Variants in LIPI observed in about 807,000 individuals in gnomAD.
The protein encoded by LIPI is lipase I, also known as lipase member I.
LIPI carries 59 observed loss-of-function variants against 50.6 expected under a neutral mutation model. That is an observed-to-expected ratio of 1.16 (90% CI 0.94 to 1.45). The LOEUF (loss-of-function observed/expected upper bound fraction) is 1.45, where lower values mean the gene tolerates loss of function less well. Among genes scored for constraint, LIPI ranks in the 40% most tolerant of loss-of-function variants. The pLI is 0.00. For synonymous variants in LIPI, 203 were observed against 178.2 expected (o/e 1.14, Z -1.11); for missense variants, 586 against 536.3 (o/e 1.09, Z -0.92).
In LIPI at chr21:14,117,263, G is replaced by A. The variant is rs114126730; in HGVS notation, c.1296-8183C>T. On this transcript the variant is annotated intron_variant, in intron 9 of 9. Coordinates refer to ENST00000681601, the MANE Select transcript of LIPI (RefSeq NM_001302998.2). ...GTAAACAGCATACTCCCTCCTATAC[G>A]GAAAAACCCCAGGCTCTTATTGACC... Among the ~76,000 whole-genome samples the A allele has an allele frequency of 9.0e-3, 1,369 of 152,208 alleles. 22 individuals are homozygous for A. The highest frequency in any genetic ancestry group is 0.031 in the African/African-American group (1,301 of 41,512).
At chr21:14,152,716 A>G (rs1275799740) in intron 7 of LIPI, 32 bp from the exon 8 acceptor site, 3 of 1,120,772 alleles carry the variant, frequency 2.7e-6, no homozygotes, top group African/African-American at 3.1e-5. Context: ...TACAACTCAC[A>G]TTATTTTTTA....
At chr21:14,131,502 C>T (rs946211979) in intron 9 of LIPI, among the ~76,000 whole-genome samples, 2 of 152,064 alleles carry the variant, frequency 1.3e-5, no homozygotes, top group Non-Finnish European at 2.9e-5. Context: ...TCACAGGCAC[C>T]CAAAATCAAA....
chr21:14,196,172 A>AACAAT (rs139955022), intron 1 of LIPI, among the ~76,000 whole-genome samples: 32,115 of 137,690 alleles, frequency 0.23, 4,115 homozygotes, highest in Middle Eastern at 0.31. Flanking sequence ...AAAAAACAAA[A>AACAAT]CAAGAAGTAT....
intron 9 of LIPI, among the ~76,000 whole-genome samples, chr21:14,136,538 C>T (rs1339995515): frequency 6.6e-6 from 1 of 152,158 alleles, no homozygotes; most frequent in African/African-American, 2.4e-5. Flanking sequence ...TGAGTGCCAG[C>T]TCAACTGCAA....
intron 8 of LIPI, among the ~76,000 whole-genome samples, chr21:14,150,552 T>C (rs2018053513): frequency 6.6e-6 from 1 of 152,208 alleles, no homozygotes; most frequent in Non-Finnish European, 1.5e-5. Context: ...GAGAAATGCC[T>C]GAATAAGTTT....
intron 9 of LIPI, among the ~76,000 whole-genome samples, chr21:14,133,843 C>G (rs1436040188): frequency 1.3e-5 from 2 of 152,088 alleles, no homozygotes; most frequent in Non-Finnish European, 2.9e-5. Context: ...AATGATCTAG[C>G]CAAGGACAAA....
At chr21:14,163,851 T>C (rs1197166336) in intron 6 of LIPI, among the ~76,000 whole-genome samples, 1 of 151,756 alleles carries the variant, frequency 6.6e-6, no homozygotes, top group Non-Finnish European at 1.5e-5. Flanking sequence ...TTCTAATAAG[T>C]TCAGCAGAGT....
chr21:14,146,770 C>CTTTTTT (rs1308738575), intron 8 of LIPI, among the ~76,000 whole-genome samples: 158 of 64,660 alleles, frequency 2.4e-3, no homozygotes, highest in African/African-American at 4.2e-3. Flanking sequence ...TTCCCAGTCT[C>CTTTTTT]TATTTTTTTT....
rs377287910 is a variant in LIPI, at chr21:14,126,046, G to A, written c.1296-16966C>T. 2.4e-3 allele frequency among the ~76,000 whole-genome samples: 367 copies of A among 152,160 alleles called. 1 individual carries two copies. The highest frequency in any genetic ancestry group is 8.3e-3 in the African/African-American group (346 of 41,516). On this transcript the variant is annotated intron_variant, in intron 9 of 9. Transcript: ENST00000681601. ...TCAAACATTTAAAAAAAAAAGGCTG[G>A]TGAAGGTGCAGTTTGGGTTTAGGAG... is the stretch of plus-strand genomic sequence containing the variant.
chr21:14,128,320 T>A (rs2017148089), intron 9 of LIPI, among the ~76,000 whole-genome samples: 1 of 152,086 alleles, frequency 6.6e-6, no homozygotes, highest in African/African-American at 2.4e-5. Flanking sequence ...AAAGCTGTTA[T>A]TTTTAAACTA....
chr21:14,184,489 T>A (rs1030107447), intron 3 of LIPI, among the ~76,000 whole-genome samples: 152 of 152,008 alleles, frequency 1.0e-3, no homozygotes, highest in African/African-American at 3.5e-3. Context: ...TAATAAAATT[T>A]AAAAAAAATT....
chr21:14,179,294 T>C (rs142805551), intron 4 of LIPI, among the ~76,000 whole-genome samples: 1 of 152,096 alleles, frequency 6.6e-6, no homozygotes, highest in East Asian at 1.9e-4. Context: ...GTTCACCAGG[T>C]ATGTGCTGAG....
chr21:14,133,320 A>G (rs2017367835), intron 9 of LIPI, among the ~76,000 whole-genome samples: 1 of 152,256 alleles, frequency 6.6e-6, no homozygotes, highest in South Asian at 2.1e-4. Context: ...CAGGGATGCA[A>G]GGATAGTTCC....
At position 14,184,476 on chromosome 21, in the gene LIPI, TA is replaced by T. The variant is rs2019385788; in HGVS notation, c.541+1484del. 2.6e-5 allele frequency among the ~76,000 whole-genome samples: 4 copies of T among 151,962 alleles called. No homozygotes were observed. In the South Asian group the frequency reaches 8.3e-4, roughly 31 times the overall value. On this transcript the variant is annotated intron_variant, in intron 3 of 9. Coordinates refer to ENST00000681601, the MANE Select transcript of LIPI (RefSeq NM_001302998.2). ...ATGTACCCTAAAACTTAAAGTATAA[TA>T]ATAATAAAATTTAAAAAAAATTTAA...
chr21:14,193,044 C>G (rs2019729232), intron 1 of LIPI, among the ~76,000 whole-genome samples: 1 of 152,076 alleles, frequency 6.6e-6, no homozygotes, highest in African/African-American at 2.4e-5. Context: ...ATTATGAATG[C>G]ATGTTAATGG....
At chr21:14,196,750 C>T (rs2019875761) in intron 1 of LIPI, among the ~76,000 whole-genome samples, 1 of 152,070 alleles carries the variant, frequency 6.6e-6, no homozygotes, top group Middle Eastern at 3.4e-3. Context: ...TGCTTGAACC[C>T]AGAAGATCAA....
Position 14,156,505 on chromosome 21 carries a change from C to T in LIPI, c.1007-3821G>A, listed in dbSNP as rs186194502. Among the ~76,000 whole-genome samples, 7 of 151,982 alleles carry T rather than the reference C, an allele frequency of 4.6e-5. No individual in the cohort carries two copies. The East Asian group carries it at 1.2e-3, about 25-fold the overall frequency. ...CCTGAGCCTCCAGAAAGGAATGCAC[C>T]TGCTAACACCTTGACTTTAGCACAG... On this transcript the variant is annotated intron_variant, in intron 7 of 9. Transcript: ENST00000681601.
intron 9 of LIPI, chr21:14,144,075 T>G (rs137901261): frequency 6.5e-6 from 1 of 154,266 alleles, no homozygotes; most frequent in African/African-American, 2.4e-5. Flanking sequence ...ACCTCACTCC[T>G]GTCAGCATAT....
At chr21:14,178,414 G>A (rs2019163584) in intron 4 of LIPI, among the ~76,000 whole-genome samples, 1 of 152,040 alleles carries the variant, frequency 6.6e-6, no homozygotes, top group Admixed American at 6.6e-5. Context: ...CTTCAGTCTA[G>A]AAATTTACTT....
Sources: gnomAD v4.1 joint callset for allele counts (sites outside exome capture counted in the v4.1 genomes callset) on GRCh38, gnomAD v4.1.1 for gene constraint, MANE v1.5 for transcripts, NCBI Gene and HGNC (gene_info 2026-07-23, HGNC 2026-07-21) for gene names.